The following HS3ST3A1 variants were observed in gnomAD, a reference collection of about 807,000 sequenced individuals.
HS3ST3A1 encodes the protein heparan sulfate glucosamine 3-O-sulfotransferase 3A1.
Under a neutral mutation model 25.7 loss-of-function variants are expected in HS3ST3A1, and 19 were observed. The observed-to-expected ratio is 0.74, with a 90% CI of 0.52 to 1.08. The LOEUF is 1.08. HS3ST3A1 is among the 50% of genes least tolerant of loss of function. The probability of loss-of-function intolerance (pLI) is 0.00; values close to 1 mark genes in which losing one functional copy is unlikely to be tolerated. For missense variants in HS3ST3A1, 459 were observed against 594.3 expected, an observed-to-expected ratio of 0.77 and a Z score of 2.37; for synonymous variants, 226 against 278.6, an observed-to-expected ratio of 0.81 and a Z score of 1.88.
At chr17:13,580,574 C>T (rs1908083444) in intron 1 of HS3ST3A1, among the ~76,000 whole-genome samples, 1 of 151,924 alleles carries the variant, frequency 6.6e-6, no homozygotes, top group Non-Finnish European at 1.5e-5. Flanking sequence ...CAGCTTAAAG[C>T]CAGATTTTAG....
intron 1 of HS3ST3A1, among the ~76,000 whole-genome samples, chr17:13,586,660 G>A (rs1908275100): frequency 6.6e-6 from 1 of 151,432 alleles, no homozygotes; most frequent in Admixed American, 6.6e-5. Flanking sequence ...GAGGTCAGCA[G>A]ATTGCAACCA....
At chr17:13,598,698 A>G (rs1908645334) in intron 1 of HS3ST3A1, among the ~76,000 whole-genome samples, 1 of 151,560 alleles carries the variant, frequency 6.6e-6, no homozygotes. Context: ...TTAAAAAACT[A>G]CTTGTGTTTC....
At chr17:13,592,076 G>A (rs73298105) in intron 1 of HS3ST3A1, among the ~76,000 whole-genome samples, 18,424 of 152,226 alleles carry the variant, frequency 0.12, 1,207 homozygotes, top group African/African-American at 0.17. Flanking sequence ...GGCTTGCTAT[G>A]TAGGCAGGTA....
chr17:13,503,043 T>A (rs1360563523), intron 1 of HS3ST3A1, among the ~76,000 whole-genome samples: 1 of 151,814 alleles, frequency 6.6e-6, no homozygotes, highest in Non-Finnish European at 1.5e-5. Context: ...CTGGGCGTGT[T>A]GGCGTGTGCC....
rs947421275 is a variant in HS3ST3A1 at position 13,495,514 on chromosome 17, C to T, written c.*683G>A. ...CTAAAGGTGCAGATGTCTTCTTTTCCATTCTCCCTGGAAAAAGTGACATGA... is the reference window on the plus strand; with the variant it reads ...CTAAAGGTGCAGATGTCTTCTTTTCTATTCTCCCTGGAAAAAGTGACATGA... On this transcript the variant is annotated 3_prime_UTR_variant, in exon 2 of 2. Transcript: ENST00000284110. Among the ~76,000 whole-genome samples, 1 of 152,132 alleles carries T rather than the reference C, an allele frequency of 6.6e-6. No homozygotes were observed. The highest frequency in any genetic ancestry group is 6.6e-5 in the Admixed American group (1 of 15,264).
In HS3ST3A1 at chr17:13,583,216, G is replaced by A. The variant is rs192014667; in HGVS notation, c.599+17315C>T. On this transcript the variant is annotated intron_variant, in intron 1 of 1. Transcript: ENST00000284110. ...ACCACTAAGAAAATTTGAAACTGCC[G>A]TTAAATCACATTCCCCTTCATGTTG... 3.3e-5 allele frequency among the ~76,000 whole-genome samples: 5 copies of A among 152,178 alleles called. No homozygotes were observed. In the East Asian group the frequency reaches 5.8e-4, roughly 18 times the overall value.
intron 1 of HS3ST3A1, among the ~76,000 whole-genome samples, chr17:13,509,585 C>T (rs747141516): frequency 4.6e-5 from 7 of 151,282 alleles, no homozygotes; most frequent in Non-Finnish European, 1.0e-4. Flanking sequence ...TATTTGTGTG[C>T]GAGAGAGAGA....
In HS3ST3A1 at chr17:13,496,007, T is replaced by C. The variant is rs1006846352; in HGVS notation, c.*190A>G. ...GTGTTTAGACGAGTGAAATTTTCCT[T>C]TTCTGTTGATCCACGTGTTTGGTGT... is the stretch of plus-strand genomic sequence containing the variant. On this transcript the variant is annotated 3_prime_UTR_variant, in exon 2 of 2. Coordinates refer to ENST00000284110, the MANE Select transcript of HS3ST3A1 (RefSeq NM_006042.3). 3 of 661,234 alleles carry C rather than the reference T, an allele frequency of 4.5e-6. No individual in the cohort carries two copies. The highest frequency in any genetic ancestry group is 7.0e-6 in the Non-Finnish European group (3 of 426,808). The allele number at this position is 661,234 out of a possible 1,614,324, so 41.0% of individuals were successfully genotyped here.
At chr17:13,579,797 C>T (rs1263585064) in intron 1 of HS3ST3A1, among the ~76,000 whole-genome samples, 1 of 149,846 alleles carries the variant, frequency 6.7e-6, no homozygotes, top group African/African-American at 2.5e-5. Context: ...ATGGGGAAAC[C>T]CTGTCTCTAC....
chr17:13,589,500 CA>C (rs2142391037), intron 1 of HS3ST3A1, among the ~76,000 whole-genome samples: 1 of 152,196 alleles, frequency 6.6e-6, no homozygotes. Flanking sequence ...CCCTTTTGAA[CA>C]AATAATGTTG....
chr17:13,559,287 A>G (rs1907461685), intron 1 of HS3ST3A1, among the ~76,000 whole-genome samples: 1 of 152,192 alleles, frequency 6.6e-6, no homozygotes, highest in African/African-American at 2.4e-5. Flanking sequence ...CTACCACCCA[A>G]GGCAAATCTG....
chr17:13,565,067 T>G (rs1049298517), intron 1 of HS3ST3A1, among the ~76,000 whole-genome samples: 1 of 152,210 alleles, frequency 6.6e-6, no homozygotes, highest in African/African-American at 2.4e-5. Flanking sequence ...GCTTTCTATG[T>G]ACTATGTCTG....
intron 1 of HS3ST3A1, among the ~76,000 whole-genome samples, chr17:13,517,396 A>G (rs957154691): frequency 6.6e-6 from 1 of 152,210 alleles, no homozygotes; most frequent in African/African-American, 2.4e-5. Context: ...GGTAGACATA[A>G]TAACAAATGT....
At chr17:13,592,431 G>A (rs190965339) in intron 1 of HS3ST3A1, among the ~76,000 whole-genome samples, 15 of 152,194 alleles carry the variant, frequency 9.9e-5, no homozygotes, top group East Asian at 3.9e-4. Flanking sequence ...AAGATATACC[G>A]CGGGGTCCAA....
At chr17:13,566,573 CT>C (rs1381344239) in intron 1 of HS3ST3A1, among the ~76,000 whole-genome samples, 4 of 152,156 alleles carry the variant, frequency 2.6e-5, no homozygotes, top group African/African-American at 9.7e-5. Context: ...AAAGCTAGGC[CT>C]CCTGCAACAG....
At chr17:13,593,521 C>T (rs1908491137) in intron 1 of HS3ST3A1, among the ~76,000 whole-genome samples, 1 of 152,158 alleles carries the variant, frequency 6.6e-6, no homozygotes, top group Non-Finnish European at 1.5e-5. Context: ...AGGGAAAGAT[C>T]AGCATGTCTG....
At chr17:13,554,166 A>G (rs1425579551) in intron 1 of HS3ST3A1, among the ~76,000 whole-genome samples, 1 of 152,016 alleles carries the variant, frequency 6.6e-6, no homozygotes, top group Admixed American at 6.5e-5. Flanking sequence ...TTTTTCTGAG[A>G]GTTTCTATTG....
chr17:13,560,921 A>G (rs569642027), intron 1 of HS3ST3A1, among the ~76,000 whole-genome samples: 1 of 152,346 alleles, frequency 6.6e-6, no homozygotes, highest in South Asian at 2.1e-4. Context: ...GCAATACTGT[A>G]CAGCAAAGCA....
At chr17:13,579,943 TAAAAAAAAA>T (rs66568347) in intron 1 of HS3ST3A1, among the ~76,000 whole-genome samples, 3 of 81,948 alleles carry the variant, frequency 3.7e-5, no homozygotes, top group Admixed American at 3.1e-4. Context: ...TGACTCTGTC[TAAAAAAAAA>T]AAAAAAAAAA....
Sources: allele counts gnomAD v4.1 joint callset (sites outside exome capture counted in the v4.1 genomes callset), GRCh38; gene constraint gnomAD v4.1.1; transcripts MANE v1.5; gene names NCBI Gene and HGNC (gene_info 2026-07-23, HGNC 2026-07-21).